Variants in ZDBF2 observed in about 807,000 individuals in gnomAD.
ZDBF2 encodes zinc finger DBF-type containing 2.
Under a neutral mutation model 9.4 loss-of-function variants are expected in ZDBF2, and 6 were observed. The ratio of observed to expected loss-of-function variants is 0.64; its 90% CI spans 0.35 to 1.27. The LOEUF is 1.27. Among genes scored for constraint, ZDBF2 ranks in the 50% most tolerant of loss-of-function variants. The probability of loss-of-function intolerance (pLI) is 0.03; values close to 1 mark genes in which losing one functional copy is unlikely to be tolerated. For synonymous variants in ZDBF2, 905 were observed against 946.3 expected (o/e 0.96, Z 0.80); for missense variants, 2,697 against 2,766.8 (o/e 0.97, Z 0.57).
In ZDBF2 at chr2:206,309,614, G is replaced by T. The variant is rs1042396348; in HGVS notation, c.5086G>T (p.Ala1696Ser). 3.1e-6 allele frequency: 5 copies of T among 1,613,836 alleles called. No homozygotes were observed. The highest frequency in any genetic ancestry group is 4.2e-6 in the Non-Finnish European group (5 of 1,179,840). ...EASLRKDPRN[A>S]GLKGKSCQSS... Reference sequence around the variant, plus strand: ...CAGTCTTCGGAAGGATCCAAGAAATGCTGGCCTAAAAGGTAAGAGCTGTCA... The same window carrying T: ...CAGTCTTCGGAAGGATCCAAGAAATTCTGGCCTAAAAGGTAAGAGCTGTCA... Residue 1696 changes from alanine (A) to serine (S), a missense_variant, in exon 5 of 5, where the codon GCT becomes TCT. This residue lies in a region of ZDBF2 where 1,783 missense variants were observed against 1,776.5 expected (regional missense o/e 1.00). Transcript: ENST00000374423.
In ZDBF2 at chr2:206,313,675, A is replaced by G. The variant is rs1195841917; in HGVS notation, c.*2082A>G. The G allele has an allele frequency of 6.6e-6, 1 of 152,234 alleles. No homozygotes were observed. Among genetic ancestry groups the G allele is most frequent in the Non-Finnish European group, 1.5e-5 (1 of 68,010 alleles). 9.4% of individuals were successfully genotyped at this position (152,234 alleles called of 1,614,324 possible). ...CTATGATGTGTCATATCGTGATTAC[A>G]TCATGCAGAGAGAACAGTTCCTGTA... On this transcript the variant is annotated 3_prime_UTR_variant, in exon 5 of 5. Coordinates refer to ENST00000374423, the MANE Select transcript of ZDBF2 (RefSeq NM_020923.3).
At position 206,310,743 on chromosome 2, in the gene ZDBF2, A is replaced by C; in HGVS notation, c.6215A>C (p.Glu2072Ala). ...CCTCCCCTGAGTGTAATAGTACCAG[A>C]GTTTGAGAGGCGTAACTGGGTTAAA... Reference protein sequence around the residue: ...ISPPLSVIVPEFERRNWVKIH... With the variant: ...ISPPLSVIVPAFERRNWVKIH... Residue 2072 changes from glutamate (E) to alanine (A), a missense_variant, in exon 5 of 5, where the codon GAG becomes GCG. Around this residue, in one of 3 missense-constraint regions of ZDBF2, gnomAD observed 1,783 missense variants for 1,776.5 expected, o/e 1.00. Transcript: ENST00000374423. 1.2e-6 allele frequency: 2 copies of C among 1,613,872 alleles called. No individual in the cohort carries two copies. The highest frequency in any genetic ancestry group is 1.7e-6 in the Non-Finnish European group (2 of 1,179,888).
At chr2:206,285,788 A>C (rs748458864) in intron 3 of ZDBF2, among the ~76,000 whole-genome samples, 1 of 152,172 alleles carries the variant, frequency 6.6e-6, no homozygotes, top group South Asian at 2.1e-4. Flanking sequence ...TGGGGCTTAC[A>C]TATATGTCTT....
At chr2:206,283,733 G>A (rs982349807) in intron 3 of ZDBF2, among the ~76,000 whole-genome samples, 1 of 152,018 alleles carries the variant, frequency 6.6e-6, no homozygotes, top group Non-Finnish European at 1.5e-5. Context: ...GTGCGATCAT[G>A]GCACACTGTA....
chr2:206,288,529 G>A (rs966467393), intron 3 of ZDBF2, among the ~76,000 whole-genome samples: 10 of 152,208 alleles, frequency 6.6e-5, no homozygotes, highest in African/African-American at 2.4e-4. Context: ...TAAGCAAGCA[G>A]CTTTAGTAGC....
chr2:206,306,506 A>G lies in ZDBF2; in HGVS notation c.1978A>G (p.Asn660Asp). 6.2e-7 allele frequency: 1 copy of G among 1,613,806 alleles called. No individual in the cohort carries two copies. The highest frequency in any genetic ancestry group is 8.5e-7 in the Non-Finnish European group (1 of 1,179,782). Residue 660 changes from asparagine to aspartate, a missense_variant, in exon 5 of 5, where the codon AAC becomes GAC. Physicochemically the swap from Asn to Asp is conservative, Grantham distance 23 (BLOSUM62 1). Around this residue, in one of 3 missense-constraint regions of ZDBF2, gnomAD observed 910 missense variants for 973.6 expected, o/e 0.93. Coordinates refer to ENST00000374423, the MANE Select transcript of ZDBF2 (RefSeq NM_020923.3). Reference protein sequence around the residue: ...KEKNADLMDMNCESHGPEMGF... With the variant: ...KEKNADLMDMDCESHGPEMGF... ...GAAGAATGCTGACCTTATGGATATG[A>G]ACTGTGAATCCCATGGTCCTGAAAT...
chr2:206,298,187 A>G (rs4675597), intron 4 of ZDBF2, among the ~76,000 whole-genome samples: 83,351 of 152,124 alleles, frequency 0.55, 23,370 homozygotes, highest in Admixed American at 0.61. Flanking sequence ...TTTAATAAAA[A>G]TAATTATTTT....
chr2:206,309,222 C>T lies in ZDBF2; in HGVS notation c.4694C>T (p.Thr1565Ile), dbSNP rs1251571990. The T allele has an allele frequency of 6.2e-7, 1 of 1,606,614 alleles. No individual in the cohort carries two copies. The highest frequency in any genetic ancestry group is 1.3e-5 in the African/African-American group (1 of 74,834). Residue 1565 changes from threonine (T) to isoleucine (I), a missense_variant, in exon 5 of 5, where the codon ACA becomes ATA. Physicochemically the swap from Thr to Ile is moderately conservative, Grantham distance 89. Coordinates refer to ENST00000374423, the MANE Select transcript of ZDBF2 (RefSeq NM_020923.3). ...GTCAAAGATATCAGCTGTATAAATA[C>T]AGAATGTATTGATATAGAAGATAAG... ...LTVKDISCIN[T>I]ECIDIEDKSC...
chr2:206,304,737 A>G lies in ZDBF2; in HGVS notation c.209A>G (p.His70Arg). ...TTTAGTTCAACACAAGATGAGACACATGTGAATACTGGGTCATCGTCTGAA... is the reference window on the plus strand; with the variant it reads ...TTTAGTTCAACACAAGATGAGACACGTGTGAATACTGGGTCATCGTCTGAA... The part of the protein sequence containing the change: ...QESSSTQDET[H>R]VNTGSSSEVV... The change falls in exon 5 of 5, where the codon CAT becomes CGT. Residue 70 changes from histidine (H) to arginine (R), a missense_variant. This residue lies in a region of ZDBF2 where 910 missense variants were observed against 973.6 expected (regional missense o/e 0.93). Transcript: ENST00000374423. The G allele has an allele frequency of 2.5e-6, 4 of 1,611,474 alleles. No homozygotes were observed. The highest frequency in any genetic ancestry group is 3.4e-6 in the Non-Finnish European group (4 of 1,178,850).
chr2:206,296,931 C>T (rs1037685859), intron 3 of ZDBF2, among the ~76,000 whole-genome samples: 2 of 152,074 alleles, frequency 1.3e-5, no homozygotes, highest in Non-Finnish European at 2.9e-5. Flanking sequence ...ATCTTAGAGC[C>T]TATTATAATT....
rs1309747514 is a variant in ZDBF2, at chr2:206,274,694, C to T, written c.-355C>T. The T allele has an allele frequency of 6.6e-6, 1 of 152,268 alleles. No individual in the cohort carries two copies. Among genetic ancestry groups the T allele is most frequent in the African/African-American group, 2.4e-5 (1 of 41,472 alleles). The allele number at this position is 152,268 out of a possible 1,614,324, so 9.4% of individuals were successfully genotyped here. A position where few individuals can be genotyped will look rare whatever the true frequency, so the allele number is the denominator to read the frequency against. On this transcript the variant is annotated 5_prime_UTR_variant, in exon 1 of 5. Coordinates refer to ENST00000374423, the MANE Select transcript of ZDBF2 (RefSeq NM_020923.3). ...CCATCAGGGTTGCAACGCCACGTTG[C>T]CTTGGATGCCTGCGTGAGTGGAGTC... is the stretch of plus-strand genomic sequence containing the variant.
chr2:206,281,798 C>G lies in ZDBF2; in HGVS notation c.-49-3C>G. ...TTTTACCATTTTTCTTTTTGTTTTT[C>G]AGCTTGAGTATTCAAAGACAGTAGC... On this transcript the variant is annotated splice_region_variant and splice_polypyrimidine_tract_variant and intron_variant, in intron 2 of 4. Transcript: ENST00000374423. 4 of 1,549,122 alleles carry G rather than the reference C, an allele frequency of 2.6e-6. No individual in the cohort carries two copies. The highest frequency in any genetic ancestry group is 3.5e-6 in the Non-Finnish European group (4 of 1,131,318).
At position 206,274,724 on chromosome 2, in the gene ZDBF2, C is replaced by T. The variant is rs1423308195; in HGVS notation, c.-325C>T. 1 of 152,240 alleles carries T rather than the reference C, an allele frequency of 6.6e-6. No homozygotes were observed. The highest frequency in any genetic ancestry group is 2.4e-5 in the African/African-American group (1 of 41,464). The allele number at this position is 152,240 out of a possible 1,614,324, so 9.4% of individuals were successfully genotyped here. A position where few individuals can be genotyped will look rare whatever the true frequency, so the allele number is the denominator to read the frequency against. ...GATGCCTGCGTGAGTGGAGTCGCGA[C>T]TCGGGGCCCGCGTCCTGAGAGACGC... is the stretch of plus-strand genomic sequence containing the variant. On this transcript the variant is annotated 5_prime_UTR_variant, in exon 1 of 5. Coordinates refer to ENST00000374423, the MANE Select transcript of ZDBF2 (RefSeq NM_020923.3).
In ZDBF2 at chr2:206,305,036, G is replaced by T. The variant is rs747965897; in HGVS notation, c.508G>T (p.Ala170Ser). The change falls in exon 5 of 5, where the codon GCT becomes TCT. Residue 170 changes from alanine (A) to serine (S), a missense_variant. Around this residue, in one of 3 missense-constraint regions of ZDBF2, gnomAD observed 910 missense variants for 973.6 expected, o/e 0.93. Transcript: ENST00000374423. ...RKCNLVDIGQ[A>S]TNNRSNLVRP... ...ATGTAACCTAGTAGATATTGGTCAGGCTACAAATAATAGAAGCAACTTGGT... is the reference window on the plus strand; with the variant it reads ...ATGTAACCTAGTAGATATTGGTCAGTCTACAAATAATAGAAGCAACTTGGT... The T allele has an allele frequency of 2.5e-6, 4 of 1,613,730 alleles. No homozygotes were observed. In the Admixed American group the frequency reaches 5.0e-5, roughly 20 times the overall value.
In ZDBF2 at chr2:206,310,081, G is replaced by A. The variant is rs1224729223; in HGVS notation, c.5553G>A (p.Arg1851=). 54 of 1,613,722 alleles carry A rather than the reference G, an allele frequency of 3.3e-5. No individual in the cohort carries two copies. Among genetic ancestry groups the A allele is most frequent in the Non-Finnish European group, 4.6e-5 (54 of 1,179,872 alleles). The change falls in exon 5 of 5, where the codon AGG becomes AGA. Residue 1851 remains arginine (R), a synonymous_variant. Transcript: ENST00000374423. Reference sequence around the variant, plus strand: ...TTAATGCTCTGGTGAAGGAGTTTAGGGAAGGTCGTTTCCACTGTTACTTTG... The same window carrying A: ...TTAATGCTCTGGTGAAGGAGTTTAGAGAAGGTCGTTTCCACTGTTACTTTG... ...IKINALVKEF[R]EGRFHCYFDD... is the part of the protein sequence containing the mutation.
chr2:206,292,806 A>G (rs1008191849), intron 3 of ZDBF2, among the ~76,000 whole-genome samples: 16 of 152,266 alleles, frequency 1.1e-4, no homozygotes, highest in African/African-American at 3.6e-4. Context: ...AAGAAAATGT[A>G]AGATCTTTAA....
intron 3 of ZDBF2, among the ~76,000 whole-genome samples, chr2:206,284,092 T>C (rs1186530396): frequency 6.6e-6 from 1 of 152,240 alleles, no homozygotes; most frequent in African/African-American, 2.4e-5. Context: ...TGTTTTCTTC[T>C]AAGAGTTTTA....
intron 3 of ZDBF2, among the ~76,000 whole-genome samples, chr2:206,282,192 G>A (rs1691356896): frequency 1.3e-5 from 2 of 152,196 alleles, no homozygotes; most frequent in Admixed American, 1.3e-4. Flanking sequence ...AACAAAATAG[G>A]GAAGGGGTAG....
chr2:206,304,554 C>G (rs1412703667), intron 4 of ZDBF2, among the ~76,000 whole-genome samples, 163 bp from the exon 5 acceptor site: 1 of 152,156 alleles, frequency 6.6e-6, no homozygotes, highest in Non-Finnish European at 1.5e-5. Flanking sequence ...CAGTAATTCC[C>G]CCTCTGTGGT....
Sources: gnomAD v4.1 joint callset for allele counts (sites outside exome capture counted in the v4.1 genomes callset) on GRCh38, gnomAD v4.1.1 for gene constraint, gnomAD v4.1.1 regional missense constraint, MANE v1.5 for transcripts, NCBI Gene and HGNC (gene_info 2026-07-23, HGNC 2026-07-21) for gene names.